The following SETD9 variants were observed in gnomAD, a reference collection of about 807,000 sequenced individuals.
SETD9 encodes SET domain containing 9, also known as SET domain-containing protein 9.
SETD9 carries 37 observed loss-of-function variants against 36.4 expected under a neutral mutation model. The ratio of observed to expected loss-of-function variants is 1.02; its 90% confidence interval spans 0.78 to 1.34. SETD9 has a LOEUF of 1.34. Ranked by LOEUF, SETD9 falls within the 40% of genes most tolerant of loss-of-function variation. SETD9 has a pLI of 0.00. For synonymous variants in SETD9, 128 were observed against 132.9 expected, an observed-to-expected ratio of 0.96 and a Z score of 0.26; for missense variants, 323 against 353.2, an observed-to-expected ratio of 0.91 and a Z score of 0.69.
intron 5 of SETD9, 34 bp from the exon 6 acceptor site, chr5:56,916,781 A>G: frequency 6.3e-7 from 1 of 1,592,372 alleles, no homozygotes; most frequent in Non-Finnish European, 8.5e-7. Context: ...ATATTTGTTA[A>G]TGCTCTACCT....
intron 5 of SETD9, among the ~76,000 whole-genome samples, chr5:56,924,372 C>G (rs1294740111): frequency 6.6e-6 from 1 of 152,158 alleles, no homozygotes; most frequent in Non-Finnish European, 1.5e-5. Context: ...CTTTACTGAG[C>G]TCTGTGATTT....
intron 3 of SETD9, 132 bp downstream of exon 3, chr5:56,913,266 C>T (rs1023088005): frequency 2.7e-5 from 30 of 1,119,900 alleles, no homozygotes; most frequent in Non-Finnish European, 3.6e-5. Flanking sequence ...GTTGTCCAGG[C>T]TGGTTTTGAA....
chr5:56,910,266 T>C, intron 1 of SETD9: 2 of 1,303,656 alleles, frequency 1.5e-6, no homozygotes, highest in Admixed American at 4.6e-5. Flanking sequence ...ATTTTCATAG[T>C]TCATACAAGT....
At chr5:56,915,695 A>G (rs1024790447) in intron 5 of SETD9, among the ~76,000 whole-genome samples, 1 of 152,188 alleles carries the variant, frequency 6.6e-6, no homozygotes, top group Non-Finnish European at 1.5e-5. Flanking sequence ...CAGACACGGT[A>G]CCTCAAGCCT....
chr5:56,913,827 C>A, intron 3 of SETD9, 47 bp from the exon 4 acceptor site: 2 of 1,058,000 alleles, frequency 1.9e-6, no homozygotes, highest in Non-Finnish European at 1.4e-6. Context: ...TTTTAGGATT[C>A]TATTTTAAGA....
chr5:56,909,589 C>A (rs1748980883), upstream of SETD9: 2 of 1,445,024 alleles, frequency 1.4e-6, no homozygotes, highest in South Asian at 1.3e-5. Context: ...CGGGGCGGGC[C>A]CGAGGCCTCG....
chr5:56,909,827 C>T (rs1749006587), intron 1 of SETD9, 84 bp downstream of exon 1: 4 of 1,225,708 alleles, frequency 3.3e-6, no homozygotes, highest in Admixed American at 2.3e-5. Context: ...AAGCGGAGAG[C>T]CTGAGGCTGA....
rs1393807947 is a variant in SETD9, at chr5:56,913,964, A to G, written c.681A>G (p.Gly227=). 1.2e-6 allele frequency: 2 copies of G among 1,613,436 alleles called. No homozygotes were observed. The highest frequency in any genetic ancestry group is 8.5e-7 in the Non-Finnish European group (1 of 1,179,516). ...AAATTCATAACCCTCTGGCTGTGGG[A>G]CAGTATGTCAACAATTGTTCCAATG... ...TSEIHNPLAV[G]QYVNNCSNDR... Residue 227 remains glycine (G), a synonymous_variant, in exon 4 of 6, where the codon GGA becomes GGG. Transcript: ENST00000285947.
chr5:56,912,355 T>A, intron 2 of SETD9: 1 of 590,748 alleles, frequency 1.7e-6, no homozygotes, highest in Non-Finnish European at 2.1e-6. Context: ...TAGTGGAAAG[T>A]GTGTGTGTGA....
chr5:56,915,154 T>C (rs1483538446), intron 5 of SETD9, among the ~76,000 whole-genome samples, 188 bp downstream of exon 5: 1 of 152,212 alleles, frequency 6.6e-6, no homozygotes, highest in African/African-American at 2.4e-5. Context: ...TCCTTTAAAC[T>C]AGCTCATTCT....
chr5:56,919,653 C>T (rs1446860957), downstream of SETD9: 2 of 152,448 alleles, frequency 1.3e-5, no homozygotes, highest in Non-Finnish European at 2.9e-5. Flanking sequence ...TATTAAAGTA[C>T]AACAAATACA....
chr5:56,910,810 A>G, intron 1 of SETD9: 1 of 185,016 alleles, frequency 5.4e-6, no homozygotes, highest in Non-Finnish European at 1.2e-5. Context: ...TGGGTGTAGT[A>G]CGGGAAAGAG....
downstream of SETD9, chr5:56,922,260 T>C (rs1230039811): frequency 3.9e-5 from 6 of 152,540 alleles, no homozygotes; most frequent in East Asian, 5.8e-4. Context: ...TAAACTAAAT[T>C]ATCAATGACT....
intron 4 of SETD9, 122 bp from the exon 5 acceptor site, chr5:56,914,739 G>A (rs925499956): frequency 4.0e-6 from 2 of 496,184 alleles, no homozygotes; most frequent in Non-Finnish European, 6.7e-6. Context: ...GAACATAGTA[G>A]TAATTATTTT....
downstream of SETD9, among the ~76,000 whole-genome samples, chr5:56,919,300 A>G (rs1354017705): frequency 6.6e-6 from 1 of 151,842 alleles, no homozygotes; most frequent in Non-Finnish European, 1.5e-5. Context: ...TGATTTTTGT[A>G]TTTTTAGTAG....
chr5:56,923,213 TC>T (rs1303144954), intron 5 of SETD9: 1 of 1,614,062 alleles, frequency 6.2e-7, no homozygotes, highest in Non-Finnish European at 8.5e-7. Context: ...ACTGCCAAAG[TC>T]AGCCACAGAA....
downstream of SETD9, among the ~76,000 whole-genome samples, chr5:56,917,811 T>G (rs1294964115): frequency 1.3e-5 from 2 of 152,226 alleles, no homozygotes; most frequent in East Asian, 3.9e-4. Context: ...CTTCCCGTTT[T>G]ATTAGCAATA....
chr5:56,926,496 C>T (rs959999658), downstream of SETD9, among the ~76,000 whole-genome samples: 1 of 151,804 alleles, frequency 6.6e-6, no homozygotes, highest in Non-Finnish European at 1.5e-5. Flanking sequence ...AGATGGTCAA[C>T]ATCATCCTCA....
Position 56,909,668 on chromosome 5 carries a change from G to A in SETD9, c.23G>A (p.Gly8Asp), listed in dbSNP as rs1177820950. The change falls in exon 1 of 6, where the codon GGC (glycine) becomes GAC (aspartate). Residue 8 changes from glycine to aspartate, a missense_variant. Transcript: ENST00000285947. ...GCCATGCCTGGCCGTCTGCTGCGGG[G>A]CCTGTGGCAGCGATGGCGCCGTTAC... Reference protein sequence around the residue: MPGRLLRGLWQRWRRYKY... With the variant: MPGRLLRDLWQRWRRYKY... 2 of 1,609,132 alleles carry A rather than the reference G, an allele frequency of 1.2e-6. No individual in the cohort carries two copies. Among genetic ancestry groups the A allele is most frequent in the South Asian group, 1.1e-5 (1 of 90,598 alleles).
Sources: gnomAD v4.1 joint callset for allele counts (sites outside exome capture counted in the v4.1 genomes callset) on GRCh38, gnomAD v4.1.1 for gene constraint, MANE v1.5 for transcripts, NCBI Gene and HGNC (gene_info 2026-07-23, HGNC 2026-07-21) for gene names.